Variants in GPHN observed in about 807,000 individuals in gnomAD.
GPHN encodes the protein gephyrin.
Under a neutral mutation model 95.5 loss-of-function variants are expected in GPHN, and 17 were observed. That is an observed-to-expected ratio of 0.18 (90% CI 0.12 to 0.27). The LOEUF is 0.27. Ranked by LOEUF, GPHN falls within the 10% of genes least tolerant of loss-of-function variation. The pLI is 1.00. For synonymous variants in GPHN, 320 were observed against 322.5 expected (o/e 0.99, Z 0.08); for missense variants, 660 against 978.1 (o/e 0.67, Z 4.34).
In GPHN at chr14:66,846,528, A is replaced by C. The variant is rs17103724; in HGVS notation, c.294+21962A>C. 3.0e-3 allele frequency among the ~76,000 whole-genome samples: 457 copies of C among 152,212 alleles called. 3 individuals are homozygous for C. Among genetic ancestry groups the C allele is most frequent in the African/African-American group, 0.011 (439 of 41,570 alleles). On this transcript the variant is annotated intron_variant, in intron 4 of 22. Coordinates refer to ENST00000478722, the MANE Select transcript of GPHN (RefSeq NM_020806.5). The stretch of plus-strand genomic sequence containing the variant: ...GTTTGAGGAAAATGTTCAAAGTCAC[A>C]GTGGCTGTATATAAGGAAATCCTTT...
At chr14:67,046,120 A>G (rs2075003731) in intron 10 of GPHN, among the ~76,000 whole-genome samples, 1 of 151,682 alleles carries the variant, frequency 6.6e-6, no homozygotes, top group African/African-American at 2.4e-5. Flanking sequence ...TTTTATATTT[A>G]GTATATATTC....
At chr14:67,381,762 C>CTT in the GPHN span, 225 of 824,346 alleles carry the variant, frequency 2.7e-4, no homozygotes, top group South Asian at 3.5e-4. Flanking sequence ...ATCTTTGTTT[C>CTT]TTTTTTTTTT....
chr14:67,346,474 G>C, the GPHN span, among the ~76,000 whole-genome samples: 1 of 152,182 alleles, frequency 6.6e-6, no homozygotes, highest in Non-Finnish European at 1.5e-5. Flanking sequence ...ACCAGGCCCA[G>C]CTAATTTTTG....
intron 5 of GPHN, among the ~76,000 whole-genome samples, chr14:66,884,317 C>T (rs138486060): frequency 5.3e-5 from 8 of 152,164 alleles, no homozygotes; most frequent in Non-Finnish European, 8.8e-5. Context: ...TTACATTAAA[C>T]GTCATCAGGT....
chr14:66,622,356 C>A (rs539297070), intron 1 of GPHN, among the ~76,000 whole-genome samples: 1 of 152,218 alleles, frequency 6.6e-6, no homozygotes, highest in East Asian at 1.9e-4. Context: ...TCCTCCTAGG[C>A]CTTTGAGCCT....
At chr14:66,840,110 C>T (rs1380539842) in intron 4 of GPHN, among the ~76,000 whole-genome samples, 1 of 151,970 alleles carries the variant, frequency 6.6e-6, no homozygotes, top group Non-Finnish European at 1.5e-5. Context: ...GAAACCCCGT[C>T]TCTACTAAAA....
chr14:67,169,657 C>T (rs56293517), intron 21 of GPHN, among the ~76,000 whole-genome samples: 1 of 152,346 alleles, frequency 6.6e-6, no homozygotes, highest in East Asian at 1.9e-4. Flanking sequence ...TTCTCTGTGA[C>T]TAATGAATAA....
intron 18 of GPHN, among the ~76,000 whole-genome samples, chr14:67,147,389 G>T (rs10483795): frequency 0.054 from 8,208 of 152,226 alleles, 226 homozygotes; most frequent in Middle Eastern, 0.068. Context: ...AATTCTCTGT[G>T]GATGACAAAT....
the GPHN span, among the ~76,000 whole-genome samples, chr14:67,382,106 CAGTTT>C: frequency 7.9e-5 from 12 of 152,036 alleles, no homozygotes; most frequent in African/African-American, 2.9e-4. Flanking sequence ...ATTCTTCCAT[CAGTTT>C]AGTTCAGAGA....
At chr14:67,271,024 T>A in the GPHN span, 1 of 152,200 alleles carries the variant, frequency 6.6e-6, no homozygotes, top group Non-Finnish European at 1.5e-5. Context: ...GTAAAAGATA[T>A]AGCTAGAAAT....
At chr14:66,887,441 G>A (rs2064252072) in intron 5 of GPHN, among the ~76,000 whole-genome samples, 1 of 152,160 alleles carries the variant, frequency 6.6e-6, no homozygotes, top group Admixed American at 6.5e-5. Flanking sequence ...CAAAAAATTA[G>A]CTGGGCATGG....
intron 8 of GPHN, among the ~76,000 whole-genome samples, chr14:66,948,678 T>C (rs1596474638): frequency 2.0e-5 from 3 of 152,352 alleles, no homozygotes; most frequent in South Asian, 4.1e-4. Context: ...TTGTAATTGC[T>C]TAACTAGCAT....
intron 1 of GPHN, among the ~76,000 whole-genome samples, chr14:66,584,728 G>A (rs112454005): frequency 0.012 from 1,804 of 152,182 alleles, 47 homozygotes; most frequent in African/African-American, 0.04. Flanking sequence ...TTGCATCCCC[G>A]GGATGAAGCC....
chr14:67,086,168 T>C (rs72715351), intron 11 of GPHN, among the ~76,000 whole-genome samples: 10,126 of 152,272 alleles, frequency 0.066, 357 homozygotes, highest in Middle Eastern at 0.085. Context: ...TGAATATGGG[T>C]GTACAGATAC....
At chr14:67,705,315 C>A in the GPHN span, among the ~76,000 whole-genome samples, 1 of 152,216 alleles carries the variant, frequency 6.6e-6, no homozygotes, top group Non-Finnish European at 1.5e-5. Flanking sequence ...CAATCAGTAA[C>A]ACTTCATGAT....
the GPHN span, among the ~76,000 whole-genome samples, chr14:67,193,589 A>C: frequency 6.9e-6 from 1 of 145,352 alleles, no homozygotes; most frequent in Non-Finnish European, 1.5e-5. Context: ...ATATAGATAT[A>C]GATATATATC....
chr14:66,590,461 A>T (rs1370619265), intron 1 of GPHN, among the ~76,000 whole-genome samples: 2 of 152,196 alleles, frequency 1.3e-5, no homozygotes, highest in Non-Finnish European at 2.9e-5. Flanking sequence ...TATAAAAATG[A>T]TAAAGGGGAT....
intron 9 of GPHN, among the ~76,000 whole-genome samples, chr14:66,989,099 C>G (rs113080484): frequency 5.1e-4 from 77 of 151,982 alleles, no homozygotes; most frequent in African/African-American, 1.6e-3. Flanking sequence ...GTTGTTAATT[C>G]TAATAACTAA....
chr14:66,704,377 G>C (rs928819513), intron 2 of GPHN, among the ~76,000 whole-genome samples: 1 of 151,746 alleles, frequency 6.6e-6, no homozygotes, highest in Non-Finnish European at 1.5e-5. Flanking sequence ...TCTCGGTGCC[G>C]CATAGCACTT....
Sources: gnomAD v4.1 joint callset for allele counts (sites outside exome capture counted in the v4.1 genomes callset) on GRCh38, gnomAD v4.1.1 for gene constraint, MANE v1.5 for transcripts, NCBI Gene and HGNC (gene_info 2026-07-23, HGNC 2026-07-21) for gene names.